The following PARD3 variants were observed in gnomAD, a reference collection of about 807,000 sequenced individuals.
The protein encoded by PARD3 is par-3 family cell polarity regulator.
In PARD3, 75 loss-of-function variants were observed where a neutral mutation model predicts 155.4. The ratio of observed to expected loss-of-function variants is 0.48; its 90% CI spans 0.40 to 0.58. PARD3 has a LOEUF of 0.58. Ranked by LOEUF, PARD3 falls within the 20% of genes least tolerant of loss-of-function variation. PARD3 has a pLI of 0.00. For missense variants in PARD3, 1,642 were observed against 1,721.7 expected (o/e 0.95, Z 0.82); for synonymous variants, 576 against 610.5 (o/e 0.94, Z 0.83).
intron 15 of PARD3, chr10:34,344,855 AT>A: frequency 1.0e-6 from 1 of 985,414 alleles, no homozygotes; most frequent in Non-Finnish European, 1.2e-6. Flanking sequence ...ATGCATCCAA[AT>A]TTTGGTTCAG....
chr10:34,145,683 A>G (rs534357202), intron 22 of PARD3, among the ~76,000 whole-genome samples: 1 of 152,202 alleles, frequency 6.6e-6, no homozygotes, highest in Admixed American at 6.5e-5. Context: ...ATTTCACAGA[A>G]TTACTGTTTA....
At chr10:34,671,989 A>G (rs1220765909) in intron 2 of PARD3, among the ~76,000 whole-genome samples, 1 of 152,044 alleles carries the variant, frequency 6.6e-6, no homozygotes, top group Non-Finnish European at 1.5e-5. Context: ...AGCCTGGGCA[A>G]CATAGGGAGA....
At chr10:34,141,194 G>A (rs1948170777) in intron 22 of PARD3, among the ~76,000 whole-genome samples, 1 of 152,102 alleles carries the variant, frequency 6.6e-6, no homozygotes, top group African/African-American at 2.4e-5. Context: ...ATTTATATGT[G>A]TCTATGTATA....
intron 1 of PARD3, among the ~76,000 whole-genome samples, chr10:34,811,342 G>A (rs1443122841): frequency 6.6e-6 from 1 of 152,106 alleles, no homozygotes; most frequent in Non-Finnish European, 1.5e-5. Flanking sequence ...TGCCTTCCTG[G>A]AATGCCCTCC....
At chr10:34,323,427 T>G (rs117764622) in intron 19 of PARD3, among the ~76,000 whole-genome samples, 1 of 152,160 alleles carries the variant, frequency 6.6e-6, no homozygotes, top group Admixed American at 6.5e-5. Flanking sequence ...ATAACTGATA[T>G]GATGAAGACT....
At chr10:34,576,952 G>A (rs886504374) in intron 2 of PARD3, among the ~76,000 whole-genome samples, 9 of 152,174 alleles carry the variant, frequency 5.9e-5, no homozygotes, top group African/African-American at 1.9e-4. Flanking sequence ...TCTCCCCTGC[G>A]TGTGGGGGTG....
intron 4 of PARD3, among the ~76,000 whole-genome samples, chr10:34,461,286 T>TA (rs1425641937): frequency 6.6e-6 from 1 of 152,168 alleles, no homozygotes; most frequent in Non-Finnish European, 1.5e-5. Flanking sequence ...AGCTGAATTA[T>TA]AAAAAATTAA....
chr10:34,231,972 T>G (rs1952957383), intron 22 of PARD3, among the ~76,000 whole-genome samples: 1 of 152,110 alleles, frequency 6.6e-6, no homozygotes, highest in Admixed American at 6.5e-5. Flanking sequence ...CAAAGCAAAC[T>G]AAGAGATAAC....
chr10:34,115,045 T>C (rs994301196), intron 24 of PARD3, among the ~76,000 whole-genome samples: 1 of 152,120 alleles, frequency 6.6e-6, no homozygotes, highest in Non-Finnish European at 1.5e-5. Flanking sequence ...ACCATCAGCA[T>C]GGAGAGGACT....
In PARD3 at chr10:34,371,170, C is replaced by T. The variant is rs73259214; in HGVS notation, c.1707+1328G>A. ...TCTTTTCAAAGAGTAGTATAAATTG[C>T]TATTGTACCCCATTTTATTATTTAG... is the stretch of plus-strand genomic sequence containing the variant. On this transcript the variant is annotated intron_variant, in intron 12 of 24. Coordinates refer to ENST00000374788, the MANE Select transcript of PARD3 (RefSeq NM_001184785.2). 3.7e-3 allele frequency among the ~76,000 whole-genome samples: 557 copies of T among 152,014 alleles called. 1 individual carries two copies. Among genetic ancestry groups the T allele is most frequent in the African/African-American group, 0.013 (519 of 41,516 alleles).
At chr10:34,708,728 A>C (rs2094405955) in intron 1 of PARD3, among the ~76,000 whole-genome samples, 1 of 152,158 alleles carries the variant, frequency 6.6e-6, no homozygotes. Context: ...TAACCTGGGG[A>C]CTTTTCTAGA....
chr10:34,649,721 C>G (rs1456845340), intron 2 of PARD3, among the ~76,000 whole-genome samples: 1 of 152,212 alleles, frequency 6.6e-6, no homozygotes, highest in African/African-American at 2.4e-5. Flanking sequence ...CTTTCTTCCA[C>G]AATAAATTAA....
chr10:34,591,053 CAG>C (rs549239758), intron 2 of PARD3, among the ~76,000 whole-genome samples: 174 of 152,196 alleles, frequency 1.1e-3, no homozygotes, highest in African/African-American at 3.8e-3. Flanking sequence ...CGGGAAGTAA[CAG>C]GGGAAAACAC....
At chr10:34,472,250 T>G (rs1329435493) in intron 3 of PARD3, among the ~76,000 whole-genome samples, 1 of 152,160 alleles carries the variant, frequency 6.6e-6, no homozygotes, top group Non-Finnish European at 1.5e-5. Context: ...TTTTAATAAT[T>G]TCTGGATTTT....
At chr10:34,673,511 A>G (rs2093644920) in intron 2 of PARD3, among the ~76,000 whole-genome samples, 1 of 152,230 alleles carries the variant, frequency 6.6e-6, no homozygotes, top group African/African-American at 2.4e-5. Flanking sequence ...CACAAGAGTA[A>G]CAAGAAATCA....
intron 5 of PARD3, among the ~76,000 whole-genome samples, chr10:34,425,032 C>A (rs2075521129): frequency 6.6e-6 from 1 of 152,170 alleles, no homozygotes; most frequent in Non-Finnish European, 1.5e-5. Flanking sequence ...TGCTGTGAGC[C>A]ATTTTTAATG....
At chr10:34,331,402 A>T (rs972262278) in intron 18 of PARD3, 58 bp from the exon 19 acceptor site, 8 of 1,105,134 alleles carry the variant, frequency 7.2e-6, no homozygotes, top group Non-Finnish European at 1.1e-5. Context: ...TATGTACCTG[A>T]ATATGCACTG....
At chr10:34,510,955 A>G (rs1196330749) in intron 3 of PARD3, among the ~76,000 whole-genome samples, 1 of 152,232 alleles carries the variant, frequency 6.6e-6, no homozygotes, top group African/African-American at 2.4e-5. Context: ...TCATCAGCAT[A>G]CAAATGTCAT....
In PARD3 at chr10:34,621,385, C is replaced by G. The variant is rs1433352418; in HGVS notation, c.222+74933G>C. ...CTAATTTTTGTATTTTTAGTAGAGACAGGGTTTTGCCACATTGGCCAGGCT... is the reference window on the plus strand; with the variant it reads ...CTAATTTTTGTATTTTTAGTAGAGAGAGGGTTTTGCCACATTGGCCAGGCT... On this transcript the variant is annotated intron_variant, in intron 2 of 24. Transcript: ENST00000374788. Among the ~76,000 whole-genome samples, 3 of 151,872 alleles carry G rather than the reference C, an allele frequency of 2.0e-5. No homozygotes were observed. In the East Asian group the frequency reaches 5.8e-4, roughly 29 times the overall value.
Sources: gnomAD v4.1 joint callset for allele counts (sites outside exome capture counted in the v4.1 genomes callset) on GRCh38, gnomAD v4.1.1 for gene constraint, MANE v1.5 for transcripts, NCBI Gene and HGNC (gene_info 2026-07-23, HGNC 2026-07-21) for gene names.